Variants in MORN1 observed in about 807,000 individuals in gnomAD.
The protein encoded by MORN1 is MORN repeat containing 1.
A neutral mutation model predicts 61.9 loss-of-function variants in MORN1; 67 were observed. The ratio of observed to expected loss-of-function variants is 1.08; its 90% confidence interval spans 0.89 to 1.33. MORN1 has a LOEUF of 1.33. Ranked by LOEUF, MORN1 falls within the 40% of genes most tolerant of loss-of-function variation. MORN1 has a pLI of 0.00. For synonymous variants in MORN1, 301 were observed against 292.0 expected (o/e 1.03, Z -0.31); for missense variants, 752 against 691.2 (o/e 1.09, Z -0.99).
chr1:2,376,250 C>A (rs1355440024), intron 6 of MORN1: 1 of 151,162 alleles, frequency 6.6e-6, no homozygotes, highest in Non-Finnish European at 1.5e-5. Context: ...ATTGGCATCT[C>A]TTGAGGGTCC....
At chr1:2,387,719 G>A (rs1642539267) in intron 3 of MORN1, 190 bp from the exon 4 acceptor site, 1 of 592,376 alleles carries the variant, frequency 1.7e-6, no homozygotes, top group South Asian at 2.0e-5. Flanking sequence ...CCCAACAGCT[G>A]GGCATGCAGA....
chr1:2,368,555 C>A (rs1000245935), intron 8 of MORN1, among the ~76,000 whole-genome samples: 1 of 152,138 alleles, frequency 6.6e-6, no homozygotes, highest in African/African-American at 2.4e-5. Context: ...CTGCTTCCTC[C>A]CTGACCCTGT....
At chr1:2,377,611 A>G (rs1258940092) in intron 6 of MORN1, 2 of 152,320 alleles carry the variant, frequency 1.3e-5, no homozygotes, top group African/African-American at 4.8e-5. Context: ...TGGTCCATTC[A>G]TGCTGTTTTC....
intron 10 of MORN1, among the ~76,000 whole-genome samples, chr1:2,346,124 G>C (rs1466743873): frequency 2.7e-5 from 4 of 149,364 alleles, no homozygotes; most frequent in African/African-American, 5.0e-5. Flanking sequence ...AAAGCCACCA[G>C]GGAACCTTCC....
intron 6 of MORN1, among the ~76,000 whole-genome samples, chr1:2,382,577 G>A (rs1156392654): frequency 1.3e-5 from 2 of 152,148 alleles, no homozygotes; most frequent in Admixed American, 6.5e-5. Flanking sequence ...GGGAAGGGGC[G>A]GGCAGAAGAG....
At chr1:2,356,675 A>G (rs774570806) in intron 10 of MORN1, among the ~76,000 whole-genome samples, 3 of 152,148 alleles carry the variant, frequency 2.0e-5, no homozygotes, top group Non-Finnish European at 2.9e-5. Flanking sequence ...GGGCCTCCCA[A>G]CGCTGTCAAG....
In MORN1 at chr1:2,334,100, T is replaced by G. The variant is rs1338906281; in HGVS notation, c.1250+2369A>C. On this transcript the variant is annotated intron_variant, in intron 12 of 13. Transcript: ENST00000378531. The surrounding 1 kb of genome is among the most constrained non-coding windows in gnomAD (Gnocchi z 5.4). ...GAGCCTCAGGCAGGGTCCCCCACTC[T>G]TTCCTAAGAGGGGGCCATCACACAA... 3.3e-5 allele frequency among the ~76,000 whole-genome samples: 5 copies of G among 152,116 alleles called. No individual in the cohort carries two copies. Among genetic ancestry groups the G allele is most frequent in the African/African-American group, 9.6e-5 (4 of 41,504 alleles).
intron 12 of MORN1, among the ~76,000 whole-genome samples, chr1:2,324,718 A>G (rs940978565): frequency 3.9e-5 from 6 of 152,136 alleles, no homozygotes; most frequent in Non-Finnish European, 8.8e-5. Flanking sequence ...CTCCCCGTGG[A>G]GACACTCACT....
chr1:2,336,413 T>C, intron 12 of MORN1, 56 bp downstream of exon 12: 1 of 1,543,456 alleles, frequency 6.5e-7, no homozygotes, highest in South Asian at 1.1e-5. Context: ...GCCCAGCTGA[T>C]GAGGAGGCCA....
At chr1:2,338,305 A>C (rs1641324005) in intron 10 of MORN1, among the ~76,000 whole-genome samples, 1 of 151,950 alleles carries the variant, frequency 6.6e-6, no homozygotes, top group Non-Finnish European at 1.5e-5. Context: ...CTGCAAGGAC[A>C]CTCTTTAACT....
intron 12 of MORN1, among the ~76,000 whole-genome samples, chr1:2,327,879 G>T (rs934309099): frequency 3.3e-5 from 5 of 152,278 alleles, no homozygotes; most frequent in Admixed American, 6.5e-5. Flanking sequence ...TCGCGCCTCG[G>T]CGTCCCCGCA....
At chr1:2,355,188 T>C in intron 10 of MORN1, 1 of 1,231,712 alleles carries the variant, frequency 8.1e-7, no homozygotes, top group South Asian at 2.6e-5. Context: ...AGTAAGTATT[T>C]TTATGCAGAA....
intron 12 of MORN1, among the ~76,000 whole-genome samples, chr1:2,333,511 A>AT (rs1641203608): frequency 6.6e-6 from 1 of 152,222 alleles, no homozygotes; most frequent in Non-Finnish European, 1.5e-5. Context: ...CAAAGTTGTC[A>AT]GTCACAGGGC....
intron 10 of MORN1, among the ~76,000 whole-genome samples, chr1:2,348,949 CCT>C (rs138445597): frequency 0.16 from 23,644 of 152,090 alleles, 2,486 homozygotes; most frequent in Admixed American, 0.31. Flanking sequence ...AGTCCACACC[CCT>C]GAGTGCCAGC....
rs1641743652 is a variant in MORN1, at chr1:2,355,488, T to G, written c.1036+1944A>C. 3.2e-6 allele frequency: 5 copies of G among 1,550,096 alleles called. No individual in the cohort carries two copies. In the South Asian group the frequency reaches 3.6e-5, roughly 11 times the overall value. On this transcript the variant is annotated intron_variant, in intron 10 of 13. Coordinates refer to ENST00000378531, the MANE Select transcript of MORN1 (RefSeq NM_024848.3). ...CCCTGCAAGCACAGACCCCCGAGGC[T>G]CTGAGGCTCTGGGGCTTCTAGCCAC...
At chr1:2,335,829 A>AGCCCAGCCCAGCCCGGCCCG (rs1553208732) in intron 12 of MORN1, among the ~76,000 whole-genome samples, 11 of 139,434 alleles carry the variant, frequency 7.9e-5, no homozygotes, top group African/African-American at 3.7e-4. Context: ...TCGCCTCCAT[A>AGCCCAGCCCAGCCCGGCCCG]GCCCAGCCCA....
intron 4 of MORN1, 133 bp from the exon 5 acceptor site, chr1:2,386,030 C>A: frequency 1.4e-6 from 1 of 724,180 alleles, no homozygotes; most frequent in East Asian, 2.6e-5. Flanking sequence ...TCAGGGCCCC[C>A]CAGGAACATG....
At chr1:2,321,930 C>A (rs72642142) in intron 13 of MORN1, 13,652 of 845,900 alleles carry the variant, frequency 0.016, 136 homozygotes, top group Non-Finnish European at 0.018. Context: ...GACCTGGCTA[C>A]AGGTCCCTGA....
intron 6 of MORN1, chr1:2,374,842 G>C: frequency 3.0e-6 from 1 of 338,138 alleles, no homozygotes; most frequent in South Asian, 6.3e-5. Flanking sequence ...ACAAAACCTC[G>C]AAGGGGCACA....
Sources: gnomAD v4.1 joint callset for allele counts (sites outside exome capture counted in the v4.1 genomes callset) on GRCh38, gnomAD v4.1.1 for gene constraint, Gnocchi (gnomAD v3.1) non-coding constraint, MANE v1.5 for transcripts, NCBI Gene and HGNC (gene_info 2026-07-23, HGNC 2026-07-21) for gene names.